The following CYB5R3 variants were observed in gnomAD, a reference collection of about 807,000 sequenced individuals.
The protein encoded by CYB5R3 is cytochrome b5 reductase 3.
In CYB5R3, 28 loss-of-function variants were observed where a neutral mutation model predicts 36.5. The observed-to-expected ratio is 0.77, with a 90% CI of 0.57 to 1.05. CYB5R3 has a LOEUF of 1.05. Ranked by LOEUF, CYB5R3 falls within the 50% of genes least tolerant of loss-of-function variation. The pLI is 0.00. For missense variants in CYB5R3, 474 were observed against 408.9 expected (o/e 1.16, Z -1.37); for synonymous variants, 181 against 159.8 (o/e 1.13, Z -1.00).
chr22:42,646,224 C>A (rs8190390), intron 1 of CYB5R3, among the ~76,000 whole-genome samples: 17 of 152,178 alleles, frequency 1.1e-4, no homozygotes, highest in Admixed American at 2.0e-4. Flanking sequence ...CACACACTCA[C>A]ACACACAGAC....
At chr22:42,648,541 G>T (rs1385852920) in intron 1 of CYB5R3, among the ~76,000 whole-genome samples, 3 of 152,134 alleles carry the variant, frequency 2.0e-5, no homozygotes, top group African/African-American at 7.2e-5. Flanking sequence ...CATGGAGCAG[G>T]CTCCTTCCGG....
chr22:42,625,748 C>T lies in CYB5R3; in HGVS notation c.633+1556G>A, dbSNP rs143874894. Among the ~76,000 whole-genome samples, 476 of 152,186 alleles carry T rather than the reference C, an allele frequency of 3.1e-3. 1 individual carries two copies. The highest frequency in any genetic ancestry group is 4.3e-3 in the Non-Finnish European group (292 of 68,020). The stretch of plus-strand genomic sequence containing the variant: ...CAGCAATGACCCGACTGGCACGGTT[C>T]TCGGAGTGTAGCATGGGGACCCCTG... On this transcript the variant is annotated intron_variant, in intron 7 of 8. Transcript: ENST00000352397.
intron 1 of CYB5R3, among the ~76,000 whole-genome samples, chr22:42,639,334 AAAGT>A: frequency 5.4e-5 from 8 of 147,472 alleles, no homozygotes; most frequent in African/African-American, 1.5e-4. Context: ...AAAAAAAAAA[AAAGT>A]GGGGGGGGAC....
intron 8 of CYB5R3, 104 bp from the exon 9 acceptor site, chr22:42,620,049 G>C: frequency 8.7e-7 from 1 of 1,148,510 alleles, no homozygotes; most frequent in Non-Finnish European, 1.3e-6. Context: ...GAAGAATGGA[G>C]AGGCTGATCC....
At chr22:42,626,065 T>A (rs957066894) in intron 7 of CYB5R3, among the ~76,000 whole-genome samples, 1 of 152,150 alleles carries the variant, frequency 6.6e-6, no homozygotes. Context: ...TCCCAACACT[T>A]TGGGAGGCTG....
chr22:42,634,008 A>G (rs941527728), intron 2 of CYB5R3, among the ~76,000 whole-genome samples: 2 of 152,180 alleles, frequency 1.3e-5, no homozygotes, highest in East Asian at 3.8e-4. Context: ...AAATGTTATT[A>G]TTTCATTTGG....
At position 42,617,965 on chromosome 22, in the gene CYB5R3, TC is replaced by T. The variant is rs1434157236; in HGVS notation, c.*1807del. 1 of 152,300 alleles carries T rather than the reference TC, an allele frequency of 6.6e-6. No individual in the cohort carries two copies. Among genetic ancestry groups the T allele is most frequent in the African/African-American group, 2.4e-5 (1 of 41,392 alleles). The allele number at this position is 152,300 out of a possible 1,614,324, so 9.4% of individuals were successfully genotyped here. ...CTCTCTCTTCCCGTCCCAGCCCAAA[TC>T]CATCTCCTTGGGGCCTTCCTGCTGC... is the stretch of plus-strand genomic sequence containing the variant. On this transcript the variant is annotated 3_prime_UTR_variant, in exon 9 of 9. Transcript: ENST00000352397.
At chr22:42,621,183 AGTGTGTGT>A (rs61564405) in intron 8 of CYB5R3, among the ~76,000 whole-genome samples, 2,064 of 147,786 alleles carry the variant, frequency 0.014, 42 homozygotes, top group African/African-American at 0.042. Context: ...ATTTCTTTTT[AGTGTGTGT>A]GTGTGTGTGT....
chr22:42,643,308 A>G (rs140127778), intron 1 of CYB5R3, among the ~76,000 whole-genome samples: 1 of 152,268 alleles, frequency 6.6e-6, no homozygotes, highest in East Asian at 1.9e-4. Context: ...GTAGGGGTCT[A>G]TAACCTGGGA....
At chr22:42,633,493 G>T (rs1329020266) in intron 2 of CYB5R3, 1 of 152,206 alleles carries the variant, frequency 6.6e-6, no homozygotes, top group East Asian at 1.9e-4. Context: ...CTGGAATTAA[G>T]AAACAGTAGG....
chr22:42,628,276 G>A lies in CYB5R3; in HGVS notation c.339C>T (p.Tyr113=). ...KGFVDLVIKV[Y]FKDTHPKFPA... ...GAAACTTGGGATGGGTGTCCTTGAA[G>A]TAAACCTGCAAGACACCCCCGCAGC... The change falls in exon 5 of 9, where the codon TAC becomes TAT. Residue 113 remains tyrosine (Y), a synonymous_variant. Transcript: ENST00000352397. 1.2e-6 allele frequency: 2 copies of A among 1,613,914 alleles called. No individual in the cohort carries two copies. Among genetic ancestry groups the A allele is most frequent in the Non-Finnish European group, 1.7e-6 (2 of 1,179,882 alleles).
intron 2 of CYB5R3, chr22:42,632,225 G>C (rs1217825602): frequency 6.6e-6 from 1 of 152,440 alleles, no homozygotes; most frequent in African/African-American, 2.4e-5. Flanking sequence ...AGCGTCCTGA[G>C]GGTGCACTCC....
chr22:42,648,682 G>T (rs1165867091), intron 1 of CYB5R3, among the ~76,000 whole-genome samples: 1 of 152,128 alleles, frequency 6.6e-6, no homozygotes, highest in Non-Finnish European at 1.5e-5. Flanking sequence ...GCCTGGCCTT[G>T]ATGGGAGCCT....
At chr22:42,629,221 G>A (rs1239510204) in intron 4 of CYB5R3, among the ~76,000 whole-genome samples, 2 of 152,050 alleles carry the variant, frequency 1.3e-5, no homozygotes, top group African/African-American at 4.8e-5. Context: ...AACCTTACTG[G>A]GGCCTCCAAG....
intron 1 of CYB5R3, among the ~76,000 whole-genome samples, chr22:42,643,348 T>C (rs565139832): frequency 1.3e-5 from 2 of 152,290 alleles, no homozygotes; most frequent in South Asian, 4.1e-4. Flanking sequence ...GAGCTTTTCC[T>C]GCCACCCTCA....
chr22:42,640,005 T>C, intron 1 of CYB5R3: 1 of 1,612,992 alleles, frequency 6.2e-7, no homozygotes, highest in Non-Finnish European at 8.5e-7. Context: ...CTGTGATCTC[T>C]CTGACATAAA....
At chr22:42,626,031 G>T (rs1008716787) in intron 7 of CYB5R3, among the ~76,000 whole-genome samples, 1 of 152,218 alleles carries the variant, frequency 6.6e-6, no homozygotes, top group Admixed American at 6.5e-5. Flanking sequence ...AAAATAGGCT[G>T]GGTACTGTGG....
At position 42,649,328 on chromosome 22, in the gene CYB5R3, C is replaced by A. The variant is rs1023555162; in HGVS notation, c.-13G>T. ...GCTGGGCCCCCATGGTGGCCCCGCG[C>A]CGCGCTCGCTCTGTCGCCGCCGCCG... On this transcript the variant is annotated 5_prime_UTR_variant, in exon 1 of 9. Transcript: ENST00000352397. The A allele has an allele frequency of 9.9e-7, 1 of 1,014,886 alleles. No homozygotes were observed. 62.9% of individuals were successfully genotyped at this position (1,014,886 alleles called of 1,614,324 possible). A position where few individuals can be genotyped will look rare whatever the true frequency, so the allele number is the denominator to read the frequency against.
intron 1 of CYB5R3, among the ~76,000 whole-genome samples, chr22:42,645,942 G>A (rs1047655991): frequency 4.6e-5 from 7 of 152,158 alleles, no homozygotes; most frequent in South Asian, 2.1e-4. Context: ...CAAGCCAGAC[G>A]GGGAGACAGA....
Sources: allele counts gnomAD v4.1 joint callset (sites outside exome capture counted in the v4.1 genomes callset), GRCh38; gene constraint gnomAD v4.1.1; transcripts MANE v1.5; gene names NCBI Gene and HGNC (gene_info 2026-07-23, HGNC 2026-07-21).